Variants in MORN1 observed in about 807,000 individuals in gnomAD.
The protein encoded by MORN1 is MORN repeat-containing protein 1.
A neutral mutation model predicts 61.9 loss-of-function variants in MORN1; 67 were observed. The observed-to-expected ratio is 1.08, with a 90% CI of 0.89 to 1.33. The LOEUF (loss-of-function observed/expected upper bound fraction) is 1.33, where lower values mean the gene tolerates loss of function less well. Ranked by LOEUF, MORN1 falls within the 40% of genes most tolerant of loss-of-function variation. The pLI is 0.00. For synonymous variants in MORN1, 301 were observed against 292.0 expected (o/e 1.03, Z -0.31); for missense variants, 752 against 691.2 (o/e 1.09, Z -0.99).
Position 2,345,858 on chromosome 1 carries a change from T to A in MORN1, c.1037-9008A>T, listed in dbSNP as rs1406546101. Among the ~76,000 whole-genome samples, 1,284 of 129,058 alleles carry A rather than the reference T, an allele frequency of 9.9e-3. 9 individuals are homozygous for A. Among genetic ancestry groups the A allele is most frequent in the Middle Eastern group, 0.031 (8 of 258 alleles). 84.7% of individuals were successfully genotyped at this position (129,058 alleles called of 152,430 possible). ...ACACACACACACACACACACACAGATGTTTGCTCTTATCTCTATGACGCAC... is the reference window on the plus strand; with the variant it reads ...ACACACACACACACACACACACAGAAGTTTGCTCTTATCTCTATGACGCAC... On this transcript the variant is annotated intron_variant, in intron 10 of 13. Coordinates refer to ENST00000378531, the MANE Select transcript of MORN1 (RefSeq NM_024848.3).
At chr1:2,341,086 G>A (rs936086758) in intron 10 of MORN1, among the ~76,000 whole-genome samples, 33 of 152,226 alleles carry the variant, frequency 2.2e-4, no homozygotes, top group South Asian at 2.1e-4. Flanking sequence ...CTTCTGTCCC[G>A]GTCCCCACAC....
intron 12 of MORN1, among the ~76,000 whole-genome samples, chr1:2,328,959 C>T (rs1641092521): frequency 6.6e-6 from 1 of 152,222 alleles, no homozygotes; most frequent in Non-Finnish European, 1.5e-5. Context: ...AGGGAGATGA[C>T]GGTGGTTTTG....
chr1:2,323,027 A>G, intron 13 of MORN1: 3 of 985,388 alleles, frequency 3.0e-6, no homozygotes, highest in South Asian at 9.4e-5. Context: ...CCTCACCCCC[A>G]GGGCTGTCTC....
Position 2,372,694 on chromosome 1 carries a change from G to C in MORN1, c.635-103C>G. On this transcript the variant is annotated intron_variant, in intron 7 of 13. Transcript: ENST00000378531. This position sits in a 1 kb window ranked among gnomAD's most constrained non-coding sequence, Gnocchi z 5.4. ...CACCCCAGGAACCGACCAGAGCCCAGTGTGGCAGCTGGAACACAAGCACAT... is the reference window on the plus strand; with the variant it reads ...CACCCCAGGAACCGACCAGAGCCCACTGTGGCAGCTGGAACACAAGCACAT... 1 of 815,086 alleles carries C rather than the reference G, an allele frequency of 1.2e-6. No individual in the cohort carries two copies. The highest frequency in any genetic ancestry group is 1.9e-6 in the Non-Finnish European group (1 of 513,046). 50.5% of individuals were successfully genotyped at this position (815,086 alleles called of 1,614,324 possible). A position where few individuals can be genotyped will look rare whatever the true frequency, so the allele number is the denominator to read the frequency against.
In MORN1 at chr1:2,357,392, G is replaced by T; in HGVS notation, c.1036+40C>A. The T allele has an allele frequency of 6.5e-7, 1 of 1,537,824 alleles. No homozygotes were observed. ...CACCCCCACCTTGACTGCTGGGCCT[G>T]GGCCCACCCACCCCCAACTGGTTTG... On this transcript the variant is annotated intron_variant, in intron 10 of 13. Transcript: ENST00000378531. The surrounding 1 kb of genome is among the most constrained non-coding windows in gnomAD (Gnocchi z 6.3).
intron 13 of MORN1, chr1:2,322,599 C>A: frequency 1.0e-6 from 1 of 985,334 alleles, no homozygotes; most frequent in Non-Finnish European, 1.2e-6. Flanking sequence ...CAGGGGGACA[C>A]ACGTTCTGCA....
At chr1:2,354,470 G>C (rs1443548802) in intron 10 of MORN1, among the ~76,000 whole-genome samples, 1 of 152,226 alleles carries the variant, frequency 6.6e-6, no homozygotes, top group Non-Finnish European at 1.5e-5. Context: ...CGGAGGCTGA[G>C]GTGGGAGGAT....
chr1:2,343,301 G>A (rs940161099), intron 10 of MORN1, among the ~76,000 whole-genome samples: 2 of 152,318 alleles, frequency 1.3e-5, no homozygotes, highest in South Asian at 4.1e-4. Flanking sequence ...GTGCCCGCCC[G>A]CTCCTCGCCT....
chr1:2,351,898 T>C (rs930679751), intron 10 of MORN1: 3 of 497,280 alleles, frequency 6.0e-6, no homozygotes, highest in Non-Finnish European at 1.2e-5. Context: ...ACAGTTAAAC[T>C]TGGAGCTTCT....
At chr1:2,380,694 A>G (rs763782957) in intron 6 of MORN1, among the ~76,000 whole-genome samples, 1 of 151,886 alleles carries the variant, frequency 6.6e-6, no homozygotes, top group Non-Finnish European at 1.5e-5. Context: ...ACAGGTGTGT[A>G]CCACCATGCT....
At chr1:2,358,444 T>C in intron 9 of MORN1, 148 bp downstream of exon 9, 1 of 1,071,760 alleles carries the variant, frequency 9.3e-7, no homozygotes, top group Non-Finnish European at 1.3e-6. Context: ...TCAAGGGAGC[T>C]GTTTCCTTAG....
At chr1:2,333,333 G>T (rs1641199065) in intron 12 of MORN1, among the ~76,000 whole-genome samples, 1 of 152,196 alleles carries the variant, frequency 6.6e-6, no homozygotes, top group Admixed American at 6.5e-5. Context: ...TCAGCCCCGG[G>T]CCCAGCTCCC....
At chr1:2,322,138 C>G (rs1269372574) in intron 13 of MORN1, 1 of 985,344 alleles carries the variant, frequency 1.0e-6, no homozygotes, top group African/African-American at 1.7e-5. Flanking sequence ...TGGGGGCACT[C>G]GGCAGAGAAG....
Position 2,372,889 on chromosome 1 carries a change from T to C in MORN1, c.635-298A>G, listed in dbSNP as rs2100338900. Among the ~76,000 whole-genome samples, 1 of 152,318 alleles carries C rather than the reference T, an allele frequency of 6.6e-6. No individual in the cohort carries two copies. The highest frequency in any genetic ancestry group is 1.9e-4 in the East Asian group (1 of 5,186). On this transcript the variant is annotated intron_variant, in intron 7 of 13. Coordinates refer to ENST00000378531, the MANE Select transcript of MORN1 (RefSeq NM_024848.3). The surrounding 1 kb of genome is among the most constrained non-coding windows in gnomAD (Gnocchi z 5.4). ...GACACAAGTGGGCGGTGTGGGGCTG[T>C]TGGGTTTTCCTGCCCGTGGAATGTT...
intron 12 of MORN1, among the ~76,000 whole-genome samples, chr1:2,330,964 G>A (rs1641135899): frequency 6.6e-6 from 1 of 152,238 alleles, no homozygotes; most frequent in Non-Finnish European, 1.5e-5. Flanking sequence ...ACAGGGCTTT[G>A]TCCTTTTGTG....
intron 6 of MORN1, 69 bp from the exon 7 acceptor site, chr1:2,374,626 T>C: frequency 2.2e-6 from 3 of 1,345,832 alleles, no homozygotes; most frequent in Non-Finnish European, 3.1e-6. Context: ...CGCATGGCAC[T>C]GCAGCTTCCT....
intron 6 of MORN1, among the ~76,000 whole-genome samples, chr1:2,381,875 C>G (rs563318274): frequency 2.0e-5 from 3 of 152,340 alleles, no homozygotes; most frequent in East Asian, 3.9e-4. Context: ...CTGCCTCCCT[C>G]CAGCAAGGCC....
rs894485385 is a variant in MORN1, at chr1:2,362,145, T to A, written c.746-3430A>T. Among the ~76,000 whole-genome samples, 4 of 152,126 alleles carry A rather than the reference T, an allele frequency of 2.6e-5. No homozygotes were observed. The East Asian group carries it at 7.7e-4, about 29-fold the overall frequency. On this transcript the variant is annotated intron_variant, in intron 8 of 13. Transcript: ENST00000378531. ...TACTCGGGAGGCTGAGGCAGGAGAA[T>A]CACTTGAACCCGGGAGGTGGAGGTT...
At chr1:2,381,207 G>A (rs1048938392) in intron 6 of MORN1, among the ~76,000 whole-genome samples, 17 of 152,390 alleles carry the variant, frequency 1.1e-4, no homozygotes, top group Admixed American at 1.1e-3. Context: ...CCACGGCTGT[G>A]CTGCGTGGGA....
Sources: gnomAD v4.1 joint callset for allele counts (sites outside exome capture counted in the v4.1 genomes callset) on GRCh38, gnomAD v4.1.1 for gene constraint, Gnocchi (gnomAD v3.1) non-coding constraint, MANE v1.5 for transcripts, NCBI Gene and HGNC (gene_info 2026-07-23, HGNC 2026-07-21) for gene names.